The following PRRC2B variants were observed in gnomAD, a reference collection of about 807,000 sequenced individuals.
PRRC2B encodes protein PRRC2B.
Under a neutral mutation model 242.3 loss-of-function variants are expected in PRRC2B, and 68 were observed. That is an observed-to-expected ratio of 0.28 (90% confidence interval 0.23 to 0.34). The LOEUF is 0.34. Among genes scored for constraint, PRRC2B ranks in the 10% least tolerant of loss-of-function variants. The pLI is 1.00. For synonymous variants in PRRC2B, 1,228 were observed against 1,173.6 expected (o/e 1.05, Z -0.95); for missense variants, 2,835 against 2,954.8 (o/e 0.96, Z 0.94).
At position 131,477,764 on chromosome 9, in the gene PRRC2B, C is replaced by G. The variant is rs201067043; in HGVS notation, c.4427C>G (p.Pro1476Arg). Residue 1476 changes from proline (P) to arginine (R), a missense_variant, in exon 17 of 32, where the codon CCT (proline) becomes CGT (arginine). Transcript: ENST00000683519. ...TACAGATCCCCAGACGAGGCCTTGC[C>G]TGGAGGTCTTAGTGGCTGCAGCAGT... is the stretch of plus-strand genomic sequence containing the variant. ...KVKRSPDEAL[P>R]GGLSGCSSGS... 1,353 of 1,608,382 alleles carry G rather than the reference C, an allele frequency of 8.4e-4. 2 individuals carry two copies. The highest frequency in any genetic ancestry group is 8.2e-3 in the Middle Eastern group (48 of 5,870).
At position 131,430,082 on chromosome 9, in the gene PRRC2B, T is replaced by C. The variant is rs2131322175; in HGVS notation, c.-51-12T>C. The C allele has an allele frequency of 1.2e-6, 1 of 810,286 alleles. No homozygotes were observed. 50.2% of individuals were successfully genotyped at this position (810,286 alleles called of 1,614,324 possible). A position where few individuals can be genotyped will look rare whatever the true frequency, so the allele number is the denominator to read the frequency against. ...TCTCTTTTTTTTTTTTTCTTCTCTA[T>C]TTCAAAGGCAGATCGGGAGCGGTGC... On this transcript the variant is annotated splice_polypyrimidine_tract_variant and intron_variant, in intron 1 of 31. Coordinates refer to ENST00000683519, the MANE Select transcript of PRRC2B (RefSeq NM_013318.4).
intron 11 of PRRC2B, among the ~76,000 whole-genome samples, chr9:131,462,296 T>C (rs1046252647): frequency 2.0e-5 from 3 of 152,122 alleles, no homozygotes; most frequent in Non-Finnish European, 4.4e-5. Flanking sequence ...CACTGCAACT[T>C]CTGCCTTCCA....
Position 131,487,719 on chromosome 9 carries a change from G to T in PRRC2B, c.5985-137G>T. ...GAGCTTGTTCTCAGGCCCCATCCTGGACCCTCTGAGTCGCGCTCTGGGGGT... is the reference window on the plus strand; with the variant it reads ...GAGCTTGTTCTCAGGCCCCATCCTGTACCCTCTGAGTCGCGCTCTGGGGGT... On this transcript the variant is annotated intron_variant, in intron 27 of 31. Coordinates refer to ENST00000683519, the MANE Select transcript of PRRC2B (RefSeq NM_013318.4). This position sits in a 1 kb window ranked among gnomAD's most constrained non-coding sequence, Gnocchi z 5.3. The T allele has an allele frequency of 8.7e-7, 1 of 1,155,914 alleles. No homozygotes were observed. The highest frequency in any genetic ancestry group is 1.2e-6 in the Non-Finnish European group (1 of 835,400). 71.6% of individuals were successfully genotyped at this position (1,155,914 alleles called of 1,614,324 possible). A position where few individuals can be genotyped will look rare whatever the true frequency, so the allele number is the denominator to read the frequency against.
In PRRC2B at chr9:131,454,639, CT is replaced by C. The variant is rs61514427; in HGVS notation, c.1121-424del. ...TGGGTACCACTGACCTTTTCTTTTTCTTTTTTTTTTTTTCGAGATGGAGTCT... is the reference window on the plus strand; with the variant it reads ...TGGGTACCACTGACCTTTTCTTTTTCTTTTTTTTTTTTCGAGATGGAGTCT... On this transcript the variant is annotated intron_variant, in intron 9 of 31. Transcript: ENST00000683519. Among the ~76,000 whole-genome samples the C allele has an allele frequency of 1.9e-3, 268 of 142,902 alleles. 1 individual carries two copies. The highest frequency in any genetic ancestry group is 2.9e-3 in the African/African-American group (112 of 39,258). The allele number at this position is 142,902 out of a possible 152,430, so 93.7% of individuals were successfully genotyped here.
upstream of PRRC2B, among the ~76,000 whole-genome samples, chr9:131,391,685 A>G (rs141365764): frequency 1.8e-3 from 279 of 152,308 alleles, 3 homozygotes; most frequent in Middle Eastern, 0.014. Context: ...AGTGTTTAGC[A>G]CAGTGGCTGT....
At chr9:131,404,292 T>C (rs1262872766) in intron 1 of PRRC2B, among the ~76,000 whole-genome samples, 3 of 151,148 alleles carry the variant, frequency 2.0e-5, no homozygotes, top group Non-Finnish European at 2.9e-5. Context: ...TGATCTTGGC[T>C]CACTGCAACC....
At chr9:131,381,796 G>C (rs1836764578) in intron 1 of PRRC2B, among the ~76,000 whole-genome samples, 1 of 151,906 alleles carries the variant, frequency 6.6e-6, no homozygotes, top group African/African-American at 2.4e-5. Flanking sequence ...CTGGAGTACA[G>C]TGGCGTGATC....
upstream of PRRC2B, among the ~76,000 whole-genome samples, chr9:131,392,372 C>T (rs539856519): frequency 8.5e-5 from 13 of 152,298 alleles, no homozygotes; most frequent in East Asian, 2.3e-3. Flanking sequence ...GGTGGGATTA[C>T]AGGTGTTAGC....
At chr9:131,465,389 C>T (rs542844926) in intron 12 of PRRC2B, among the ~76,000 whole-genome samples, 2 of 152,254 alleles carry the variant, frequency 1.3e-5, no homozygotes, top group South Asian at 4.1e-4. Flanking sequence ...GTTTTTCAGC[C>T]CTTTTTCCTT....
intron 10 of PRRC2B, among the ~76,000 whole-genome samples, chr9:131,455,418 C>G (rs990251697): frequency 5.3e-5 from 8 of 151,856 alleles, no homozygotes; most frequent in African/African-American, 1.9e-4. Flanking sequence ...GTGTGTTATG[C>G]AGACCACGTC....
chr9:131,466,500 T>C (rs1397022937), intron 12 of PRRC2B, among the ~76,000 whole-genome samples: 1 of 152,232 alleles, frequency 6.6e-6, no homozygotes, highest in Non-Finnish European at 1.5e-5. Context: ...TTTAAAAAAA[T>C]GTTTTTTCCT....
At chr9:131,417,604 AC>A (rs1051729489) in intron 1 of PRRC2B, among the ~76,000 whole-genome samples, 6 of 151,792 alleles carry the variant, frequency 4.0e-5, no homozygotes, top group African/African-American at 1.5e-4. Context: ...ATCTGTTCAT[AC>A]TTTTGCCCCC....
intron 1 of PRRC2B, among the ~76,000 whole-genome samples, chr9:131,385,239 G>A (rs1314589252): frequency 6.7e-6 from 1 of 149,488 alleles, no homozygotes; most frequent in East Asian, 2.0e-4. Context: ...TACTTGGGAG[G>A]CTGAGGCAGG....
intron 1 of PRRC2B, among the ~76,000 whole-genome samples, chr9:131,402,722 C>G (rs1324863791): frequency 6.6e-6 from 1 of 152,030 alleles, no homozygotes; most frequent in African/African-American, 2.4e-5. Context: ...GTAGCTGACT[C>G]GAAATAAGCA....
chr9:131,436,307 T>C (rs369602207), intron 3 of PRRC2B, among the ~76,000 whole-genome samples: 2 of 152,298 alleles, frequency 1.3e-5, no homozygotes, highest in East Asian at 1.9e-4. Context: ...AGAGGTTGCA[T>C]TGAGCCAAGT....
intron 28 of PRRC2B, among the ~76,000 whole-genome samples, chr9:131,489,138 T>C (rs2131477395): frequency 6.6e-6 from 1 of 151,816 alleles, no homozygotes; most frequent in Middle Eastern, 3.4e-3. Context: ...AGTTGTCACC[T>C]CTGGCTTTTT....
chr9:131,474,802 C>G lies in PRRC2B; in HGVS notation c.2673C>G (p.Pro891=). ...DTAHGVERET[P]REGTAFNISS... The stretch of plus-strand genomic sequence containing the variant: ...CCCATGGTGTTGAGCGGGAGACACC[C>G]CGGGAGGGGACGGCCTTTAACATCT... Residue 891 remains proline (P), a synonymous_variant, in exon 16 of 32, where the codon CCC becomes CCG. Coordinates refer to ENST00000683519, the MANE Select transcript of PRRC2B (RefSeq NM_013318.4). 1 of 1,612,554 alleles carries G rather than the reference C, an allele frequency of 6.2e-7. No individual in the cohort carries two copies. The highest frequency in any genetic ancestry group is 8.5e-7 in the Non-Finnish European group (1 of 1,179,740).
At chr9:131,448,598 C>T (rs374714417) in intron 9 of PRRC2B, among the ~76,000 whole-genome samples, 11 of 133,532 alleles carry the variant, frequency 8.2e-5, no homozygotes, top group African/African-American at 3.0e-4. Context: ...GGCTGTGTTT[C>T]CCATTCTGGA....
chr9:131,487,825 C>A lies in PRRC2B; in HGVS notation c.5985-31C>A. ...CAGATCCGCAGCTGGACTCATCCAC[C>A]TGATCCCGACCATCTGTCTGGCTTT... On this transcript the variant is annotated intron_variant, in intron 27 of 31. Transcript: ENST00000683519. This position sits in a 1 kb window ranked among gnomAD's most constrained non-coding sequence, Gnocchi z 5.3. The A allele has an allele frequency of 6.3e-7, 1 of 1,589,778 alleles. No individual in the cohort carries two copies.
Sources: gnomAD v4.1 joint callset for allele counts (sites outside exome capture counted in the v4.1 genomes callset) on GRCh38, gnomAD v4.1.1 for gene constraint, Gnocchi (gnomAD v3.1) non-coding constraint, MANE v1.5 for transcripts, NCBI Gene and HGNC (gene_info 2026-07-23, HGNC 2026-07-21) for gene names.